SLC17A2: variants seen among roughly 807,000 people sequenced by gnomAD.
The protein encoded by SLC17A2 is sodium-dependent phosphate transport protein 3.
Under a neutral mutation model 52.1 loss-of-function variants are expected in SLC17A2, and 38 were observed. That is an observed-to-expected ratio of 0.73 (90% CI 0.56 to 0.96). SLC17A2 has a LOEUF of 0.96. Ranked by LOEUF, SLC17A2 falls within the 40% of genes least tolerant of loss-of-function variation. SLC17A2 has a pLI of 0.00. For synonymous variants in SLC17A2, 226 were observed against 211.9 expected (o/e 1.07, Z -0.58); for missense variants, 508 against 583.9 (o/e 0.87, Z 1.34).
rs376825511 is a variant in SLC17A2 at position 25,921,392 on chromosome 6, G to A, written c.261C>T (p.Ser87=). The A allele has an allele frequency of 2.1e-4, 332 of 1,613,722 alleles. No individual in the cohort carries two copies. The highest frequency in any genetic ancestry group is 2.4e-4 in the Non-Finnish European group (278 of 1,179,692). The change falls in exon 4 of 12, where the codon AGC becomes AGT. Residue 87 remains serine (S), a synonymous_variant. Coordinates refer to ENST00000377850, the MANE Select transcript of SLC17A2 (RefSeq NM_001286123.3). ...FDTKASVYQW[S]PETQGIIFSS... ...TAAAGATGATACCCTGAGTTTCTGGGCTCCATTGATACACAGAGGCCTGGG... is the reference window on the plus strand; with the variant it reads ...TAAAGATGATACCCTGAGTTTCTGGACTCCATTGATACACAGAGGCCTGGG...
rs200604300 is a variant in SLC17A2 at position 25,923,911 on chromosome 6, A to G, written c.29-5T>C. The G allele has an allele frequency of 1.9e-6, 3 of 1,612,104 alleles. No individual in the cohort carries two copies. The highest frequency in any genetic ancestry group is 8.5e-7 in the Non-Finnish European group (1 of 1,178,626). ...GTAATGAACAGAAATCTGGACCTAGACAACAACACAGATGTATGTAGTGAG... is the reference window on the plus strand; with the variant it reads ...GTAATGAACAGAAATCTGGACCTAGGCAACAACACAGATGTATGTAGTGAG... On this transcript the variant is annotated splice_region_variant and splice_polypyrimidine_tract_variant and intron_variant, in intron 2 of 11. Transcript: ENST00000377850.
rs113191535 is a variant in SLC17A2, at chr6:25,921,227, G to A, written c.426C>T (p.Phe142=). Residue 142 remains phenylalanine, a synonymous_variant, in exon 4 of 12, where the codon TTC becomes TTT. Coordinates refer to ENST00000377850, the MANE Select transcript of SLC17A2 (RefSeq NM_001286123.3). ...GAACCATGATGACCAAAATCACTCCGAAGTCAGCAGCCAGTGGTGTAAAGA... is the reference window on the plus strand; with the variant it reads ...GAACCATGATGACCAAAATCACTCCAAAGTCAGCAGCCAGTGGTGTAAAGA... The part of the protein sequence containing the change: ...LTLFTPLAAD[F]GVILVIMVRT... 101 of 1,614,144 alleles carry A rather than the reference G, an allele frequency of 6.3e-5. 1 individual carries two copies. Among genetic ancestry groups the A allele is most frequent in the African/African-American group, 2.1e-4 (16 of 75,016 alleles).
chr6:25,916,570 C>T, intron 8 of SLC17A2, 115 bp downstream of exon 8: 1 of 850,008 alleles, frequency 1.2e-6, no homozygotes, highest in Non-Finnish European at 1.9e-6. Context: ...CTCTCAAGGT[C>T]ATTGTGAAGG....
chr6:25,921,715 A>C (rs563332208), intron 3 of SLC17A2, among the ~76,000 whole-genome samples: 52 of 152,302 alleles, frequency 3.4e-4, no homozygotes, highest in Middle Eastern at 3.4e-3. Flanking sequence ...CACTTCCTCT[A>C]TTTTGCTTCT....
chr6:25,917,226 AT>A (rs1766360614), intron 6 of SLC17A2, 139 bp from the exon 7 acceptor site: 1 of 672,010 alleles, frequency 1.5e-6, no homozygotes, highest in Non-Finnish European at 2.6e-6. Flanking sequence ...AAATGTTCCC[AT>A]TCTTTCTTTC....
intron 1 of SLC17A2, among the ~76,000 whole-genome samples, chr6:25,926,349 T>C (rs910208071): frequency 6.6e-6 from 1 of 152,216 alleles, no homozygotes; most frequent in Non-Finnish European, 1.5e-5. Flanking sequence ...CAGAACAATG[T>C]TCCATGTGCC....
rs1033208738 is a variant in SLC17A2 at position 25,921,400 on chromosome 6, G to A, written c.253C>T (p.Gln85Ter). The change falls in exon 4 of 12, where the codon CAA (glutamine) becomes TAA (stop). Residue 85 changes from glutamine to a stop codon, truncating the protein, a stop_gained. Coordinates refer to ENST00000377850, the MANE Select transcript of SLC17A2 (RefSeq NM_001286123.3). LOFTEE classifies it high-confidence loss of function. Reference sequence around the variant, plus strand: ...ATACCCTGAGTTTCTGGGCTCCATTGATACACAGAGGCCTGGGGGAAAAAT... The same window carrying A: ...ATACCCTGAGTTTCTGGGCTCCATTAATACACAGAGGCCTGGGGGAAAAAT... ...KEFDTKASVYQWSPETQGIIF... is the reference protein window; with the variant it reads ...KEFDTKASVY 3.1e-6 allele frequency: 5 copies of A among 1,612,172 alleles called. No individual in the cohort carries two copies. Among genetic ancestry groups the A allele is most frequent in the Non-Finnish European group, 4.2e-6 (5 of 1,178,282 alleles).
At chr6:25,929,776 C>T (rs937962195) in intron 1 of SLC17A2, among the ~76,000 whole-genome samples, 2 of 152,050 alleles carry the variant, frequency 1.3e-5, no homozygotes, top group East Asian at 3.9e-4. Context: ...TTATTCATAA[C>T]TTTGGTCATG....
chr6:25,925,693 A>T lies in SLC17A2; in HGVS notation c.28+76T>A. 6 of 1,298,642 alleles carry T rather than the reference A, an allele frequency of 4.6e-6. No homozygotes were observed. The South Asian group carries it at 5.9e-5, about 13-fold the overall frequency. 80.4% of individuals were successfully genotyped at this position (1,298,642 alleles called of 1,614,324 possible). A position where few individuals can be genotyped will look rare whatever the true frequency, so the allele number is the denominator to read the frequency against. Reference sequence around the variant, plus strand: ...AGTATCTTTACGAAGGGTCAGTGTGATGCAGAGATGTGTAAATGTGTCGGA... The same window carrying T: ...AGTATCTTTACGAAGGGTCAGTGTGTTGCAGAGATGTGTAAATGTGTCGGA... On this transcript the variant is annotated intron_variant, in intron 2 of 11. Transcript: ENST00000377850.
intron 5 of SLC17A2, 136 bp downstream of exon 5, chr6:25,920,870 G>T: frequency 2.8e-6 from 2 of 717,482 alleles, no homozygotes; most frequent in Middle Eastern, 2.8e-4. Context: ...TCCTATTTGT[G>T]ATGCAAGTGT....
chr6:25,923,740 A>G lies in SLC17A2; in HGVS notation c.195T>C (p.Asp65=). The change falls in exon 3 of 12, where the codon GAT becomes GAC. Residue 65 remains aspartate (D), a synonymous_variant. Transcript: ENST00000377850. The stretch of plus-strand genomic sequence containing the variant: ...TGGATATGCTGGAGTTATTGAAGGC[A>G]TCTGCAACAGGCCCCTCAGTGGAGG... ...SNASTEGPVA[D]AFNNSSISIK... The G allele has an allele frequency of 6.2e-7, 1 of 1,614,200 alleles. No homozygotes were observed. The highest frequency in any genetic ancestry group is 2.2e-5 in the East Asian group (1 of 44,880).
intron 8 of SLC17A2, among the ~76,000 whole-genome samples, chr6:25,916,119 C>T (rs373456609): frequency 3.3e-5 from 5 of 152,272 alleles, no homozygotes; most frequent in African/African-American, 9.6e-5. Context: ...CTTACTCTGT[C>T]GCCCAGGCTG....
Position 25,925,895 on chromosome 6 carries a change from A to C in SLC17A2, c.-83-16T>G, listed in dbSNP as rs1766747229. 1 of 1,194,130 alleles carries C rather than the reference A, an allele frequency of 8.4e-7. No homozygotes were observed. The highest frequency in any genetic ancestry group is 1.7e-5 in the Admixed American group (1 of 59,250). The allele number at this position is 1,194,130 out of a possible 1,614,324, so 74.0% of individuals were successfully genotyped here. A position where few individuals can be genotyped will look rare whatever the true frequency, so the allele number is the denominator to read the frequency against. ...AGTCTTTTATCTATGGAGAGAACATAATCCAAAACATAATACACAAATAAT... is the reference window on the plus strand; with the variant it reads ...AGTCTTTTATCTATGGAGAGAACATCATCCAAAACATAATACACAAATAAT... On this transcript the variant is annotated splice_polypyrimidine_tract_variant and intron_variant, in intron 1 of 11. Transcript: ENST00000377850.
chr6:25,917,613 T>C (rs1196811244), intron 6 of SLC17A2, among the ~76,000 whole-genome samples: 1 of 152,214 alleles, frequency 6.6e-6, no homozygotes, highest in Non-Finnish European at 1.5e-5. Context: ...CTGGTTAACA[T>C]GTACAAACCA....
intron 3 of SLC17A2, among the ~76,000 whole-genome samples, chr6:25,923,090 G>T (rs1766618960): frequency 6.6e-6 from 1 of 152,096 alleles, no homozygotes; most frequent in Admixed American, 6.6e-5. Context: ...GGGAGGCCGA[G>T]ACAGGAAAAT....
intron 2 of SLC17A2, among the ~76,000 whole-genome samples, chr6:25,924,732 C>A (rs1766693631): frequency 1.3e-5 from 2 of 151,468 alleles, no homozygotes; most frequent in African/African-American, 4.9e-5. Flanking sequence ...TCACTTGAAC[C>A]CAGGAGGCAG....
At position 25,923,798 on chromosome 6, in the gene SLC17A2, A is replaced by C. The variant is rs1454874907; in HGVS notation, c.137T>G (p.Val46Gly). The stretch of plus-strand genomic sequence containing the variant: ...TAGACCTTGCTGCTGAGTGGTGTTC[A>C]CCATGGCGATGATCGCAATGCTCAG... Reference protein sequence around the residue: ...VSLSIAIIAMVNTTQQQGLSN... With the variant: ...VSLSIAIIAMGNTTQQQGLSN... Residue 46 changes from valine to glycine, a missense_variant, in exon 3 of 12, where the codon GTG becomes GGG. Coordinates refer to ENST00000377850, the MANE Select transcript of SLC17A2 (RefSeq NM_001286123.3). 5 of 1,614,052 alleles carry C rather than the reference A, an allele frequency of 3.1e-6. No homozygotes were observed. Among genetic ancestry groups the C allele is most frequent in the Non-Finnish European group, 4.2e-6 (5 of 1,180,034 alleles).
intron 11 of SLC17A2, 174 bp downstream of exon 11, chr6:25,914,406 G>T: frequency 1.7e-6 from 1 of 597,304 alleles, no homozygotes; most frequent in Non-Finnish European, 3.0e-6. Context: ...TTCATCTTGA[G>T]AAAATAAGCT....
chr6:25,927,525 A>G (rs770171494), intron 1 of SLC17A2, among the ~76,000 whole-genome samples: 18 of 152,192 alleles, frequency 1.2e-4, no homozygotes, highest in Non-Finnish European at 2.2e-4. Context: ...GTGACTTTCT[A>G]TATTTACCAA....
Sources: allele counts gnomAD v4.1 joint callset (sites outside exome capture counted in the v4.1 genomes callset), GRCh38; gene constraint gnomAD v4.1.1; transcripts MANE v1.5; gene names NCBI Gene and HGNC (gene_info 2026-07-23, HGNC 2026-07-21).